CPNE4: variants seen among roughly 807,000 people sequenced by gnomAD.
CPNE4 encodes copine 4.
In CPNE4, 25 loss-of-function variants were observed where a neutral mutation model predicts 67.9. The observed-to-expected ratio is 0.37, with a 90% CI of 0.27 to 0.51. The LOEUF (loss-of-function observed/expected upper bound fraction) is 0.51. Among genes scored for constraint, CPNE4 ranks in the 20% least tolerant of loss-of-function variants. CPNE4 has a pLI of 0.93. For missense variants in CPNE4, 464 were observed against 690.8 expected, an observed-to-expected ratio of 0.67 and a Z score of 3.68; for synonymous variants, 242 against 244.9, an observed-to-expected ratio of 0.99 and a Z score of 0.11.
chr3:131,767,567 G>A (rs531474862), intron 2 of CPNE4, among the ~76,000 whole-genome samples: 3 of 151,974 alleles, frequency 2.0e-5, no homozygotes, highest in Admixed American at 2.0e-4. Context: ...TTTCCCTTTG[G>A]GCAAGGAGAG....
intron 1 of CPNE4, among the ~76,000 whole-genome samples, chr3:131,964,416 A>G (rs980249310): frequency 6.6e-6 from 1 of 152,028 alleles, no homozygotes; most frequent in African/African-American, 2.4e-5. Flanking sequence ...AGGTAATAAC[A>G]AACTCCTCTG....
intron 2 of CPNE4, among the ~76,000 whole-genome samples, chr3:131,896,534 T>C (rs1460858666): frequency 6.6e-6 from 1 of 151,576 alleles, no homozygotes; most frequent in Non-Finnish European, 1.5e-5. Context: ...ATGTAAAGAG[T>C]AAAAAAAATA....
intron 1 of CPNE4, among the ~76,000 whole-genome samples, chr3:131,977,832 C>T (rs894996622): frequency 6.6e-6 from 1 of 151,402 alleles, no homozygotes; most frequent in East Asian, 1.9e-4. Flanking sequence ...CCTCATCCCC[C>T]TCCCACTCTT....
chr3:131,793,758 T>A lies in CPNE4; in HGVS notation c.181-70133A>T, dbSNP rs368108417. The stretch of plus-strand genomic sequence containing the variant: ...CATCACCCAGGTCTCCGCTCAAATA[T>A]CACCTCTTTAAAGAGAAGAGAGTCA... On this transcript the variant is annotated intron_variant, in intron 2 of 15. Coordinates refer to ENST00000429747, the MANE Select transcript of CPNE4 (RefSeq NM_130808.3). Among the ~76,000 whole-genome samples the A allele has an allele frequency of 2.3e-4, 35 of 152,292 alleles. No individual in the cohort carries two copies. The East Asian group carries it at 2.7e-3, about 12-fold the overall frequency.
intron 1 of CPNE4, among the ~76,000 whole-genome samples, chr3:132,002,696 T>C (rs991929720): frequency 6.6e-6 from 1 of 152,098 alleles, no homozygotes; most frequent in Non-Finnish European, 1.5e-5. Context: ...TTTCTGTTCT[T>C]GGTATAAAAA....
At chr3:131,941,129 C>T (rs955586080) in intron 1 of CPNE4, among the ~76,000 whole-genome samples, 2 of 151,952 alleles carry the variant, frequency 1.3e-5, no homozygotes, top group Admixed American at 6.6e-5. Flanking sequence ...AGCTGGCTTG[C>T]GCTAGCTCCA....
chr3:131,549,343 A>G (rs890412729), intron 14 of CPNE4, among the ~76,000 whole-genome samples: 1 of 152,188 alleles, frequency 6.6e-6, no homozygotes, highest in African/African-American at 2.4e-5. Context: ...AAAATCATAA[A>G]GCTAAAAAGA....
intron 1 of CPNE4, among the ~76,000 whole-genome samples, chr3:131,976,543 G>A (rs2072660626): frequency 6.6e-6 from 1 of 152,074 alleles, no homozygotes; most frequent in Admixed American, 6.5e-5. Flanking sequence ...TTCTCCTGGG[G>A]TGTATGTCAG....
In CPNE4 at chr3:131,533,702, A is replaced by T. The variant is rs1383488374; in HGVS notation, c.*1493T>A. 6.6e-6 allele frequency: 1 copy of T among 152,212 alleles called. No individual in the cohort carries two copies. Among genetic ancestry groups the T allele is most frequent in the African/African-American group, 2.4e-5 (1 of 41,462 alleles). 9.4% of individuals were successfully genotyped at this position (152,212 alleles called of 1,614,324 possible). A position where few individuals can be genotyped will look rare whatever the true frequency, so the allele number is the denominator to read the frequency against. ...TGTATTTGCAAGATTAGGATCTATA[A>T]TTGTAACTGTGGAAATCATAGAAGG... On this transcript the variant is annotated 3_prime_UTR_variant, in exon 16 of 16. Transcript: ENST00000429747.
intron 5 of CPNE4, among the ~76,000 whole-genome samples, chr3:131,690,784 T>G (rs2081016391): frequency 6.7e-6 from 1 of 149,212 alleles, no homozygotes. Context: ...TGGGAGAAAA[T>G]ATTATCAAAC....
chr3:131,753,190 A>T (rs1017388060), intron 2 of CPNE4, among the ~76,000 whole-genome samples: 12 of 152,032 alleles, frequency 7.9e-5, no homozygotes, highest in Non-Finnish European at 1.6e-4. Flanking sequence ...AAATTATGTA[A>T]TAAGTCCTCA....
intron 1 of CPNE4, among the ~76,000 whole-genome samples, chr3:131,997,288 C>T (rs976710950): frequency 2.6e-5 from 4 of 152,108 alleles, no homozygotes; most frequent in African/African-American, 4.8e-5. Context: ...ATTTTGCAGG[C>T]CAGCTTCAGC....
intron 2 of CPNE4, among the ~76,000 whole-genome samples, chr3:131,771,393 G>C (rs995402366): frequency 5.3e-5 from 8 of 152,138 alleles, no homozygotes; most frequent in African/African-American, 1.9e-4. Flanking sequence ...GAGGTGTTTT[G>C]GTCATGGGGT....
chr3:131,549,032 TAGAAA>T (rs1055493945), intron 14 of CPNE4, among the ~76,000 whole-genome samples: 7 of 151,904 alleles, frequency 4.6e-5, no homozygotes, highest in African/African-American at 1.7e-4. Context: ...CAAAGGGAAG[TAGAAA>T]AGAAAACAAT....
rs1445957105 is a variant in CPNE4 at position 131,905,439 on chromosome 3, T to C, written c.5A>G (p.Lys2Arg). 6.2e-6 allele frequency: 10 copies of C among 1,612,036 alleles called. No individual in the cohort carries two copies. Among genetic ancestry groups the C allele is most frequent in the Non-Finnish European group, 8.5e-6 (10 of 1,179,152 alleles). The part of the protein sequence containing the change: M[K>R]KMSNIYESAA... ...GGACTCATAAATGTTGCTCATCTTC[T>C]TCATTCTGTTTTAGGCAAGTAAAAG... Residue 2 changes from lysine (K) to arginine (R), a missense_variant, in exon 2 of 16, where the codon AAG (lysine) becomes AGG (arginine). Physicochemically the swap from Lys to Arg is conservative, Grantham distance 26 (BLOSUM62 2). Transcript: ENST00000429747.
chr3:132,005,171 T>C (rs2073556268), intron 1 of CPNE4, among the ~76,000 whole-genome samples: 3 of 151,828 alleles, frequency 2.0e-5, no homozygotes, highest in Non-Finnish European at 1.5e-5. Flanking sequence ...AGGCAGTCTC[T>C]TGAACCACTC....
chr3:131,850,506 A>G (rs2086199035), intron 2 of CPNE4, among the ~76,000 whole-genome samples: 1 of 152,152 alleles, frequency 6.6e-6, no homozygotes, highest in East Asian at 1.9e-4. Flanking sequence ...GTATGCCAGT[A>G]GAAGATCTCA....
At chr3:131,829,804 C>A (rs1435195387) in intron 2 of CPNE4, among the ~76,000 whole-genome samples, 1 of 152,182 alleles carries the variant, frequency 6.6e-6, no homozygotes, top group Non-Finnish European at 1.5e-5. Context: ...ATACACATCA[C>A]TGTTCATATT....
At chr3:131,907,554 G>T (rs989093632) in intron 1 of CPNE4, among the ~76,000 whole-genome samples, 12 of 151,748 alleles carry the variant, frequency 7.9e-5, no homozygotes, top group Non-Finnish European at 2.9e-5. Flanking sequence ...TGGAACACAG[G>T]CATGCTTATT....
Sources: gnomAD v4.1 joint callset for allele counts (sites outside exome capture counted in the v4.1 genomes callset) on GRCh38, gnomAD v4.1.1 for gene constraint, MANE v1.5 for transcripts, NCBI Gene and HGNC (gene_info 2026-07-23, HGNC 2026-07-21) for gene names.